IL17D: variants seen among roughly 807,000 people sequenced by gnomAD.
IL17D encodes the protein interleukin-17D.
In IL17D, 10 loss-of-function variants were observed where a neutral mutation model predicts 5.7. The observed-to-expected ratio is 1.75, with a 90% CI of 1.08 to 2.97. The LOEUF is 2.97. IL17D is among the 30% of genes most tolerant of loss of function. The probability of loss-of-function intolerance (pLI) is 0.00; values close to 1 mark genes in which losing one functional copy is unlikely to be tolerated. For missense variants in IL17D, 354 were observed against 292.7 expected (o/e 1.21, Z -1.53); for synonymous variants, 172 against 141.7 (o/e 1.21, Z -1.52).
At chr13:20,709,152 T>C (rs1467430271) in intron 1 of IL17D, among the ~76,000 whole-genome samples, 4 of 150,604 alleles carry the variant, frequency 2.7e-5, no homozygotes, top group African/African-American at 9.7e-5. Flanking sequence ...TTTTTTTTTT[T>C]TTTTTCCTGG....
At chr13:20,714,410 G>C (rs7988941) in intron 1 of IL17D, among the ~76,000 whole-genome samples, 6,097 of 152,280 alleles carry the variant, frequency 0.04, 391 homozygotes, top group African/African-American at 0.14. Flanking sequence ...GCTTGGCTGT[G>C]GGGGGCAGTG....
upstream of IL17D, chr13:20,702,174 T>C (rs1195731629): frequency 1.3e-5 from 2 of 152,160 alleles, no homozygotes; most frequent in South Asian, 2.1e-4. Context: ...ACAAAGAACA[T>C]GAACAATTTA....
chr13:20,704,950 A>C (rs1281088868), intron 1 of IL17D, among the ~76,000 whole-genome samples: 1 of 152,206 alleles, frequency 6.6e-6, no homozygotes, highest in Non-Finnish European at 1.5e-5. Flanking sequence ...CCACACCATC[A>C]GGCAGTGCAT....
chr13:20,706,443 G>A (rs1447733663), intron 1 of IL17D, among the ~76,000 whole-genome samples: 1 of 152,254 alleles, frequency 6.6e-6, no homozygotes, highest in African/African-American at 2.4e-5. Context: ...GCAAACCCGT[G>A]GCTCCCCACA....
At chr13:20,702,748 CAG>C (rs2141377776), upstream of IL17D, 1 of 152,262 alleles carries the variant, frequency 6.6e-6, no homozygotes, top group South Asian at 2.1e-4. Flanking sequence ...ATGAAAGTGC[CAG>C]TCAGGGAAGT....
At chr13:20,705,266 C>T (rs1021291618) in intron 1 of IL17D, among the ~76,000 whole-genome samples, 12 of 111,254 alleles carry the variant, frequency 1.1e-4, no homozygotes, top group Admixed American at 4.3e-4. Flanking sequence ...TGATAGCAAG[C>T]GGGAACAAAG....
intron 1 of IL17D, among the ~76,000 whole-genome samples, 153 bp downstream of exon 1, chr13:20,704,444 G>C: frequency 8.3e-6 from 1 of 120,974 alleles, no homozygotes; most frequent in East Asian, 2.5e-4. Flanking sequence ...GAGGGGGCGT[G>C]GCACGCGGGG....
intron 1 of IL17D, among the ~76,000 whole-genome samples, chr13:20,719,943 C>A (rs2058717998): frequency 6.6e-6 from 1 of 152,226 alleles, no homozygotes. Context: ...TTCCTCTACT[C>A]AAGGCGCTCG....
At chr13:20,719,375 G>A (rs1048831465) in intron 1 of IL17D, among the ~76,000 whole-genome samples, 3 of 126,680 alleles carry the variant, frequency 2.4e-5, no homozygotes, top group Non-Finnish European at 5.0e-5. Flanking sequence ...ACATGCCCAC[G>A]CTCACCCATC....
At chr13:20,719,560 C>T (rs1458280112) in intron 1 of IL17D, among the ~76,000 whole-genome samples, 1 of 152,238 alleles carries the variant, frequency 6.6e-6, no homozygotes, top group Non-Finnish European at 1.5e-5. Context: ...TCTCTATTTT[C>T]TAATACTTCA....
intron 1 of IL17D, among the ~76,000 whole-genome samples, chr13:20,706,157 C>T (rs913125936): frequency 6.6e-5 from 10 of 152,184 alleles, no homozygotes; most frequent in South Asian, 2.1e-4. Context: ...GGACCCCTCC[C>T]GCCCTTCTCA....
At chr13:20,706,786 GC>G (rs1279861966) in intron 1 of IL17D, among the ~76,000 whole-genome samples, 1 of 152,214 alleles carries the variant, frequency 6.6e-6, no homozygotes, top group Non-Finnish European at 1.5e-5. Context: ...GGATCTGGGA[GC>G]CGAGGGAGGT....
At position 20,718,927 on chromosome 13, in the gene IL17D, C is replaced by T. The variant is rs147573686; in HGVS notation, c.291-2709C>T. Among the ~76,000 whole-genome samples the T allele has an allele frequency of 3.0e-3, 436 of 145,698 alleles. 4 individuals are homozygous for T. Among genetic ancestry groups the T allele is most frequent in the African/African-American group, 0.011 (424 of 39,398 alleles). ...CCGCCCATGCTCACACACCAACACA[C>T]ACCTGCCCACGCTCACACCTGCCTC... On this transcript the variant is annotated intron_variant, in intron 1 of 1. Transcript: ENST00000682841.
At chr13:20,703,462 A>AG, upstream of IL17D, 3 of 978,234 alleles carry the variant, frequency 3.1e-6, no homozygotes, top group Non-Finnish European at 3.6e-6. Context: ...GAAAGACCAC[A>AG]GGGGGCTTCT....
intron 1 of IL17D, among the ~76,000 whole-genome samples, chr13:20,714,644 G>A (rs1190159260): frequency 6.6e-6 from 1 of 152,222 alleles, no homozygotes; most frequent in Non-Finnish European, 1.5e-5. Flanking sequence ...TCAGTACCCA[G>A]ACAGGGCAGG....
intron 1 of IL17D, chr13:20,713,340 A>G (rs1415883583): frequency 6.6e-6 from 1 of 152,172 alleles, no homozygotes; most frequent in Non-Finnish European, 1.5e-5. Flanking sequence ...CTTATTTAAG[A>G]AATGTTGGTA....
In IL17D at chr13:20,723,045, T is replaced by G. The variant is rs2058749956; in HGVS notation, c.*1091T>G. ...GAAAGTCTGTCTCTGAACACAATTA[T>G]TTGTAAAAGTTAGTAGTTCTTTTTT... is the stretch of plus-strand genomic sequence containing the variant. On this transcript the variant is annotated 3_prime_UTR_variant, in exon 2 of 2. Coordinates refer to ENST00000682841, the MANE Select transcript of IL17D (RefSeq NM_001385224.1). 4 of 152,204 alleles carry G rather than the reference T, an allele frequency of 2.6e-5. No homozygotes were observed. The highest frequency in any genetic ancestry group is 7.2e-5 in the African/African-American group (3 of 41,444). The allele number at this position is 152,204 out of a possible 1,614,324, so 9.4% of individuals were successfully genotyped here. A position where few individuals can be genotyped will look rare whatever the true frequency, so the allele number is the denominator to read the frequency against.
intron 1 of IL17D, among the ~76,000 whole-genome samples, chr13:20,710,260 T>G (rs550973774): frequency 6.6e-6 from 1 of 152,062 alleles, no homozygotes; most frequent in African/African-American, 2.4e-5. Flanking sequence ...TTAAGAAATA[T>G]GTTGTAAGAA....
chr13:20,718,450 TCACA>T (rs1320076821), intron 1 of IL17D, among the ~76,000 whole-genome samples: 2 of 132,926 alleles, frequency 1.5e-5, no homozygotes, highest in Admixed American at 7.5e-5. Flanking sequence ...CCGCCCATGC[TCACA>T]CACCCACACA....
Sources: allele counts gnomAD v4.1 joint callset (sites outside exome capture counted in the v4.1 genomes callset), GRCh38; gene constraint gnomAD v4.1.1; transcripts MANE v1.5; gene names NCBI Gene and HGNC (gene_info 2026-07-23, HGNC 2026-07-21).